FHL1: variants seen among roughly 807,000 people sequenced by gnomAD.
FHL1 encodes the protein four and a half LIM domains 1, also known as four and a half LIM domains protein 1.
FHL1 carries 1 observed loss-of-function variant against 20.3 expected under a neutral mutation model. The ratio of observed to expected loss-of-function variants is 0.05; its 90% CI spans 0.02 to 0.23. FHL1 has a LOEUF of 0.23. Ranked by LOEUF, FHL1 falls within the 10% of genes least tolerant of loss-of-function variation. The probability of loss-of-function intolerance (pLI) is 1.00; values close to 1 mark genes in which losing one functional copy is unlikely to be tolerated. For missense variants in FHL1, 177 were observed against 234.0 expected (o/e 0.76, Z 1.59); for synonymous variants, 82 against 88.9 (o/e 0.92, Z 0.44).
upstream of FHL1, chrX:136,196,723 G>T: frequency 1.2e-6 from 1 of 821,810 alleles, no homozygotes; most frequent in Non-Finnish European, 1.7e-6. Flanking sequence ...AAGCTCTTGA[G>T]GCATATAAAG....
intron 1 of FHL1, among the ~76,000 whole-genome samples, chrX:136,203,778 T>C (rs987267339): frequency 2.8e-4 from 31 of 112,174 alleles, no homozygotes; most frequent in Non-Finnish European, 4.7e-4. Context: ...CAGTTTTCCT[T>C]CTCTTCAAAA....
chrX:136,173,292 G>T, intron 2 of FHL1, among the ~76,000 whole-genome samples: 1 of 112,308 alleles, frequency 8.9e-6, no homozygotes, highest in East Asian at 2.8e-4. Context: ...ACTGACATAT[G>T]GTCATTTTCA....
chrX:136,207,164 A>T lies in FHL1; in HGVS notation c.353A>T (p.Lys118Met), dbSNP rs1311888697. The change falls in exon 3 of 6, where the codon AAG becomes ATG. Residue 118 changes from lysine to methionine, a missense_variant. By Grantham distance (95) the Lys-to-Met change is moderately conservative. Transcript: ENST00000370683. ...ACTCGGGAGGACTCCCCCAAGTGCA[A>T]GGGGTGCTTCAAGGCCATTGTGGCA... ...CTTREDSPKC[K>M]GCFKAIVAGD... 8.3e-6 allele frequency: 10 copies of T among 1,207,866 alleles called. No individual in the cohort carries two copies. Among genetic ancestry groups the T allele is most frequent in the Non-Finnish European group, 1.1e-5 (10 of 892,435 alleles).
intron 5 of FHL1, among the ~76,000 whole-genome samples, 200 bp downstream of exon 5, chrX:136,208,841 T>A (rs951331431): frequency 2.4e-4 from 26 of 107,997 alleles, no homozygotes; most frequent in African/African-American, 8.5e-4. Flanking sequence ...GAACACTTCC[T>A]GACTGTTGAC....
intron 1 of FHL1, among the ~76,000 whole-genome samples, chrX:136,163,997 T>C (rs1281934912): frequency 8.9e-6 from 1 of 112,013 alleles, no homozygotes; most frequent in Non-Finnish European, 1.9e-5. Flanking sequence ...GGAGCTGCTG[T>C]AATAGTCATT....
Position 136,200,826 on chromosome X carries a change from G to T in FHL1, c.22+3692G>T, listed in dbSNP as rs139738248. Reference sequence around the variant, plus strand: ...AAGGAAGAACAAGGCAGAGGGAGAAGCCAAGGCAACTTTTAGAGCAGGAGT... The same window carrying T: ...AAGGAAGAACAAGGCAGAGGGAGAATCCAAGGCAACTTTTAGAGCAGGAGT... On this transcript the variant is annotated intron_variant, in intron 1 of 5. Transcript: ENST00000370683. Among the ~76,000 whole-genome samples the T allele has an allele frequency of 5.2e-4, 58 of 112,082 alleles. No homozygotes were observed. The East Asian group carries it at 0.013, about 25-fold the overall frequency.
intron 2 of FHL1, among the ~76,000 whole-genome samples, chrX:136,178,540 G>A (rs12853920): frequency 1.1e-4 from 12 of 110,980 alleles, no homozygotes; most frequent in Non-Finnish European, 2.1e-4. Context: ...AGGGTGCAGG[G>A]TGCAGAGATC....
chrX:136,200,610 A>G (rs1441701982), intron 1 of FHL1, among the ~76,000 whole-genome samples: 5 of 112,301 alleles, frequency 4.5e-5, no homozygotes, highest in East Asian at 5.6e-4. Flanking sequence ...ATCAACAGGC[A>G]TATACTGAGT....
intron 2 of FHL1, among the ~76,000 whole-genome samples, chrX:136,182,224 G>A (rs940702820): frequency 5.4e-5 from 6 of 111,681 alleles, no homozygotes; most frequent in Non-Finnish European, 7.5e-5. Flanking sequence ...GTAACTTCCC[G>A]TTCTTATAGA....
intron 1 of FHL1, among the ~76,000 whole-genome samples, chrX:136,158,390 T>C (rs1429504986): frequency 8.9e-6 from 1 of 111,923 alleles, no homozygotes; most frequent in Non-Finnish European, 1.9e-5. Flanking sequence ...TCTCGCTGGC[T>C]CTCTGTTCTG....
intron 2 of FHL1, among the ~76,000 whole-genome samples, chrX:136,190,653 C>A (rs907599647): frequency 1.3e-4 from 15 of 111,434 alleles, no homozygotes; most frequent in Non-Finnish European, 2.8e-4. Flanking sequence ...GGGTCTGTGA[C>A]CCAGCTTAAC....
At chrX:136,203,053 G>C (rs1046841408) in intron 1 of FHL1, among the ~76,000 whole-genome samples, 1 of 112,633 alleles carries the variant, frequency 8.9e-6, no homozygotes, top group African/African-American at 3.2e-5. Flanking sequence ...AGTACGTGAC[G>C]TAAGCTAATT....
chrX:136,207,332 C>G (rs1394468525), intron 3 of FHL1, 142 bp downstream of exon 3: 17 of 526,893 alleles, frequency 3.2e-5, no homozygotes, highest in African/African-American at 7.1e-5. Context: ...TATACATACA[C>G]GTATATATGC....
intron 2 of FHL1, among the ~76,000 whole-genome samples, chrX:136,175,519 G>A (rs1240704558): frequency 8.9e-6 from 1 of 111,741 alleles, no homozygotes; most frequent in Non-Finnish European, 1.9e-5. Flanking sequence ...AGCTGTGTAA[G>A]CATTCATCAC....
At chrX:136,162,151 C>T (rs1336223977) in intron 1 of FHL1, among the ~76,000 whole-genome samples, 5 of 95,840 alleles carry the variant, frequency 5.2e-5, no homozygotes, top group South Asian at 4.8e-4. Context: ...AAAGTACTAG[C>T]GATCTCTTCA....
Position 136,211,295 on chromosome X carries a change from T to A in FHL1, c.*1270T>A. The A allele has an allele frequency of 3.2e-6, 1 of 314,819 alleles. No individual in the cohort carries two copies. Among genetic ancestry groups the A allele is most frequent in the Non-Finnish European group, 6.1e-6 (1 of 164,702 alleles). The allele number at this position is 314,819 out of a possible 1,213,427, so 25.9% of individuals were successfully genotyped here. ...ATGCCTCATTTCTACATTCTGTCATTAGCTATTATCATCTAACGTTTCAGT... is the reference window on the plus strand; with the variant it reads ...ATGCCTCATTTCTACATTCTGTCATAAGCTATTATCATCTAACGTTTCAGT... On this transcript the variant is annotated 3_prime_UTR_variant, in exon 6 of 6. Coordinates refer to ENST00000370683, the MANE Select transcript of FHL1 (RefSeq NM_001159699.2).
At position 136,211,162 on chromosome X, in the gene FHL1, T is replaced by TA. The variant is rs1305818470; in HGVS notation, c.*1138dup. ...TACCTGAAATGCAGGATCACCTACTTACTGTATTCTACATTATTATATGAC... is the reference window on the plus strand; with the variant it reads ...TACCTGAAATGCAGGATCACCTACTTAACTGTATTCTACATTATTATATGAC... On this transcript the variant is annotated 3_prime_UTR_variant, in exon 6 of 6. Coordinates refer to ENST00000370683, the MANE Select transcript of FHL1 (RefSeq NM_001159699.2). 1 of 368,713 alleles carries TA rather than the reference T, an allele frequency of 2.7e-6. No individual in the cohort carries two copies. Among genetic ancestry groups the TA allele is most frequent in the Non-Finnish European group, 5.1e-6 (1 of 194,362 alleles). The allele number at this position is 368,713 out of a possible 1,213,427, so 30.4% of individuals were successfully genotyped here.
chrX:136,161,357 T>C (rs935936594), intron 1 of FHL1, among the ~76,000 whole-genome samples: 2 of 111,936 alleles, frequency 1.8e-5, no homozygotes, highest in Non-Finnish European at 3.8e-5. Flanking sequence ...ATGAAAATAA[T>C]TGGCTTAAGT....
At chrX:136,191,215 C>T (rs552036750) in intron 2 of FHL1, among the ~76,000 whole-genome samples, 2 of 111,702 alleles carry the variant, frequency 1.8e-5, no homozygotes, top group East Asian at 2.8e-4. Flanking sequence ...CTCTCAGATA[C>T]GAATCACTGT....
Sources: gnomAD v4.1 joint callset for allele counts (sites outside exome capture counted in the v4.1 genomes callset) on GRCh38, gnomAD v4.1.1 for gene constraint, MANE v1.5 for transcripts, NCBI Gene and HGNC (gene_info 2026-07-23, HGNC 2026-07-21) for gene names.